The following PPP6R3 variants were observed in gnomAD, a reference collection of about 807,000 sequenced individuals.
The protein encoded by PPP6R3 is serine/threonine-protein phosphatase 6 regulatory subunit 3.
PPP6R3 carries 38 observed loss-of-function variants against 110.7 expected under a neutral mutation model. That is an observed-to-expected ratio of 0.34 (90% confidence interval 0.26 to 0.45). The LOEUF is 0.45. PPP6R3 is among the 20% of genes least tolerant of loss of function. The pLI is 1.00. For missense variants in PPP6R3, 870 were observed against 1,062.4 expected (o/e 0.82, Z 2.52); for synonymous variants, 369 against 373.5 (o/e 0.99, Z 0.14).
rs34666175 is a variant in PPP6R3, at chr11:68,542,389, GTTTTTTT to G, written c.228-2433_228-2427del. ...ATCTTTGGGTGCTTGAGAAGCTGCT[GTTTTTTT>G]TTTTTTTTTTTTTTTAAGACAGAGT... On this transcript the variant is annotated intron_variant, in intron 3 of 23. Coordinates refer to ENST00000393800, the MANE Select transcript of PPP6R3 (RefSeq NM_001164161.2). Among the ~76,000 whole-genome samples the G allele has an allele frequency of 1.2e-4, 5 of 40,208 alleles. 1 individual carries two copies. The highest frequency in any genetic ancestry group is 1.0e-3 in the East Asian group (1 of 986). 26.4% of individuals were successfully genotyped at this position (40,208 alleles called of 152,430 possible). A position where few individuals can be genotyped will look rare whatever the true frequency, so the allele number is the denominator to read the frequency against.
At chr11:68,504,951 T>C (rs2099068043) in intron 1 of PPP6R3, among the ~76,000 whole-genome samples, 1 of 152,194 alleles carries the variant, frequency 6.6e-6, no homozygotes, top group South Asian at 2.1e-4. Flanking sequence ...ACAGCCTCTG[T>C]CATTGGGGTC....
At chr11:68,610,061 C>T (rs748819883) in intron 23 of PPP6R3, 38 bp downstream of exon 23, 16 of 1,603,284 alleles carry the variant, frequency 1.0e-5, no homozygotes, top group Non-Finnish European at 1.2e-5. Context: ...CAGGCCCTGC[C>T]CTGACCTTGC....
chr11:68,609,623 C>G (rs1297557433), intron 22 of PPP6R3: 1 of 1,552,166 alleles, frequency 6.4e-7, no homozygotes, highest in African/African-American at 1.4e-5. Context: ...TGTTGAAATC[C>G]TATCGGTATG....
chr11:68,565,766 T>G (rs1166214266), intron 9 of PPP6R3, among the ~76,000 whole-genome samples: 1 of 148,458 alleles, frequency 6.7e-6, no homozygotes, highest in East Asian at 1.9e-4. Context: ...CACCTGGTTT[T>G]ACTGTATGAT....
At chr11:68,522,251 A>T (rs2099167710) in intron 2 of PPP6R3, among the ~76,000 whole-genome samples, 1 of 152,262 alleles carries the variant, frequency 6.6e-6, no homozygotes, top group Non-Finnish European at 1.5e-5. Context: ...GCAAAATGCT[A>T]TGTAACTGTA....
At position 68,571,046 on chromosome 11, in the gene PPP6R3, C is replaced by A; in HGVS notation, c.1285C>A (p.Gln429Lys). Reference sequence around the variant, plus strand: ...TTCTTTTTTTTTTTTTCAGCTTTTCCAAAAATGTCAATTAATAGAACGAAT... The same window carrying A: ...TTCTTTTTTTTTTTTTCAGCTTTTCAAAAAATGTCAATTAATAGAACGAAT... ...GDNLLLKHLF[Q>K]KCQLIERILE... The change falls in exon 12 of 24, where the codon CAA becomes AAA. Residue 429 changes from glutamine (Q) to lysine (K), a missense_variant. Transcript: ENST00000393800. 1.3e-6 allele frequency: 2 copies of A among 1,581,442 alleles called. No individual in the cohort carries two copies. The highest frequency in any genetic ancestry group is 1.9e-5 in the Admixed American group (1 of 52,998).
chr11:68,496,202 G>C (rs771734299), intron 1 of PPP6R3, among the ~76,000 whole-genome samples: 1 of 143,048 alleles, frequency 7.0e-6, no homozygotes, highest in Non-Finnish European at 1.5e-5. Context: ...TTTTGTTGTT[G>C]TTAAGACAAG....
intron 2 of PPP6R3, among the ~76,000 whole-genome samples, chr11:68,529,898 C>G (rs1007456534): frequency 6.6e-6 from 1 of 152,200 alleles, no homozygotes; most frequent in African/African-American, 2.4e-5. Flanking sequence ...CATTTCAGTG[C>G]GGAGAGAGAC....
chr11:68,565,757 A>G (rs1238196452), intron 9 of PPP6R3, among the ~76,000 whole-genome samples: 1 of 147,812 alleles, frequency 6.8e-6, no homozygotes, highest in Non-Finnish European at 1.5e-5. Context: ...TTCCGTTTGC[A>G]CCTGGTTTTA....
intron 1 of PPP6R3, among the ~76,000 whole-genome samples, chr11:68,519,299 G>A (rs916330822): frequency 2.8e-4 from 42 of 152,250 alleles, no homozygotes; most frequent in African/African-American, 1.0e-3. Flanking sequence ...TTTAGGGTAG[G>A]ATAAAAGCTA....
chr11:68,593,332 G>A (rs1279186017), intron 18 of PPP6R3, among the ~76,000 whole-genome samples: 1 of 152,168 alleles, frequency 6.6e-6, no homozygotes, highest in Admixed American at 6.5e-5. Context: ...AGCTGTCCAT[G>A]TTGTCTAATG....
At chr11:68,565,609 G>A (rs2099460392) in intron 9 of PPP6R3, among the ~76,000 whole-genome samples, 1 of 151,948 alleles carries the variant, frequency 6.6e-6, no homozygotes, top group Admixed American at 6.6e-5. Flanking sequence ...GTGTGAGGAA[G>A]GGCCTGACCT....
chr11:68,523,400 A>C (rs1020079095), intron 2 of PPP6R3, among the ~76,000 whole-genome samples: 2 of 152,230 alleles, frequency 1.3e-5, no homozygotes, highest in Non-Finnish European at 2.9e-5. Flanking sequence ...GGTGAAGAAC[A>C]TTCTGCAGTA....
At chr11:68,562,753 T>C (rs1001604931) in intron 8 of PPP6R3, among the ~76,000 whole-genome samples, 7 of 152,112 alleles carry the variant, frequency 4.6e-5, no homozygotes, top group African/African-American at 1.7e-4. Flanking sequence ...TATGCAAAAA[T>C]TAACTCAAAA....
chr11:68,603,244 C>T (rs1408525836), intron 21 of PPP6R3, 98 bp from the exon 22 acceptor site: 1 of 1,447,428 alleles, frequency 6.9e-7, no homozygotes, highest in East Asian at 2.3e-5. Context: ...TTTCTTCAAG[C>T]AGTAGATGTC....
chr11:68,495,619 CTTAGCCATGTTTTCAA>C (rs1055808429), intron 1 of PPP6R3, among the ~76,000 whole-genome samples: 23 of 152,316 alleles, frequency 1.5e-4, no homozygotes, highest in African/African-American at 5.3e-4. Context: ...CTTTTTCCCT[CTTAGCCATGTTTTCAA>C]GATTTATCTG....
At chr11:68,608,495 C>T (rs956057158) in intron 22 of PPP6R3, among the ~76,000 whole-genome samples, 6 of 152,194 alleles carry the variant, frequency 3.9e-5, no homozygotes, top group Admixed American at 2.0e-4. Context: ...TGGGTAGTAG[C>T]GTGGGCTTCT....
chr11:68,499,937 A>T (rs770626752), intron 1 of PPP6R3, among the ~76,000 whole-genome samples: 7 of 152,150 alleles, frequency 4.6e-5, no homozygotes, highest in Non-Finnish European at 1.0e-4. Context: ...CTCTTGTCAG[A>T]TGTATATATC....
intron 2 of PPP6R3, among the ~76,000 whole-genome samples, chr11:68,525,714 G>A (rs1399644835): frequency 6.6e-6 from 1 of 152,272 alleles, no homozygotes. Flanking sequence ...GAATTTGATA[G>A]CTCTTAATCT....
Sources: allele counts gnomAD v4.1 joint callset (sites outside exome capture counted in the v4.1 genomes callset), GRCh38; gene constraint gnomAD v4.1.1; transcripts MANE v1.5; gene names NCBI Gene and HGNC (gene_info 2026-07-23, HGNC 2026-07-21).